DLGAP1: variants seen among roughly 807,000 people sequenced by gnomAD.
The protein encoded by DLGAP1 is disks large-associated protein 1.
Under a neutral mutation model 90.8 loss-of-function variants are expected in DLGAP1, and 11 were observed. That is an observed-to-expected ratio of 0.12 (90% CI 0.08 to 0.20). The LOEUF (loss-of-function observed/expected upper bound fraction) is 0.20. DLGAP1 is among the 10% of genes least tolerant of loss of function. DLGAP1 has a pLI of 1.00. For missense variants in DLGAP1, 1,050 were observed against 1,333.8 expected (o/e 0.79, Z 3.31); for synonymous variants, 558 against 540.7 (o/e 1.03, Z -0.44).
At chr18:3,518,154 G>A (rs2050956165) in intron 10 of DLGAP1, among the ~76,000 whole-genome samples, 1 of 152,168 alleles carries the variant, frequency 6.6e-6, no homozygotes, top group Non-Finnish European at 1.5e-5. Flanking sequence ...TGAACACATA[G>A]AGGCCATTAT....
intron 7 of DLGAP1, among the ~76,000 whole-genome samples, chr18:3,586,269 G>A (rs542879180): frequency 1.7e-3 from 251 of 152,118 alleles, no homozygotes; most frequent in Admixed American, 2.5e-3. Flanking sequence ...GTTGTTATAC[G>A]GAGGGACATT....
intron 1 of DLGAP1, among the ~76,000 whole-genome samples, chr18:4,315,526 A>C (rs2080505527): frequency 6.6e-6 from 1 of 152,208 alleles, no homozygotes; most frequent in African/African-American, 2.4e-5. Flanking sequence ...TGCTTTCTAG[A>C]AGTAGACAAG....
At chr18:3,510,126 C>T (rs899701616) in intron 10 of DLGAP1, among the ~76,000 whole-genome samples, 1 of 152,238 alleles carries the variant, frequency 6.6e-6, no homozygotes, top group African/African-American at 2.4e-5. Context: ...AAGACCTCCT[C>T]TCCTTTTCTT....
At chr18:3,745,608 TAAGA>T (rs1013953055) in intron 5 of DLGAP1, among the ~76,000 whole-genome samples, 6 of 152,358 alleles carry the variant, frequency 3.9e-5, no homozygotes, top group African/African-American at 1.4e-4. Flanking sequence ...CTAAAGGTTC[TAAGA>T]ACAGCCAGAA....
At chr18:3,830,376 T>C (rs1248213587) in intron 4 of DLGAP1, among the ~76,000 whole-genome samples, 1 of 152,098 alleles carries the variant, frequency 6.6e-6, no homozygotes, top group Non-Finnish European at 1.5e-5. Flanking sequence ...CCAGCCTGGC[T>C]AACATGGTGA....
At chr18:3,782,241 A>G (rs183009742) in intron 5 of DLGAP1, among the ~76,000 whole-genome samples, 1 of 152,094 alleles carries the variant, frequency 6.6e-6, no homozygotes, top group East Asian at 1.9e-4. Context: ...GGTTCAAGCA[A>G]TTCTCCTGCC....
chr18:3,562,231 A>G (rs2054166887), intron 9 of DLGAP1, among the ~76,000 whole-genome samples: 1 of 152,054 alleles, frequency 6.6e-6, no homozygotes, highest in Non-Finnish European at 1.5e-5. Flanking sequence ...TCCGTCTCAA[A>G]AAATAATAAT....
intron 2 of DLGAP1, among the ~76,000 whole-genome samples, chr18:4,080,894 T>TCC (rs1378522427): frequency 0.034 from 5,057 of 149,886 alleles, 270 homozygotes; most frequent in African/African-American, 0.11. Flanking sequence ...AATGCCCTTT[T>TCC]TTTTTTTTTT....
chr18:3,522,533 C>T (rs1466614432), intron 10 of DLGAP1, among the ~76,000 whole-genome samples: 5 of 145,946 alleles, frequency 3.4e-5, no homozygotes, highest in Admixed American at 2.8e-4. Context: ...TTTAAAGACA[C>T]GTGCAGTCAA....
chr18:4,436,036 A>G (rs1019258188), intron 1 of DLGAP1, among the ~76,000 whole-genome samples: 2 of 152,214 alleles, frequency 1.3e-5, no homozygotes, highest in African/African-American at 2.4e-5. Context: ...AAAACATGCA[A>G]GATGGTTTTG....
At chr18:3,886,021 A>G (rs1487513265) in intron 3 of DLGAP1, among the ~76,000 whole-genome samples, 2 of 152,132 alleles carry the variant, frequency 1.3e-5, no homozygotes, top group Non-Finnish European at 2.9e-5. Flanking sequence ...TCCTTATTCC[A>G]TTTTGATTTT....
intron 9 of DLGAP1, among the ~76,000 whole-genome samples, chr18:3,550,886 G>C (rs1417655843): frequency 3.3e-5 from 5 of 151,238 alleles, no homozygotes; most frequent in Non-Finnish European, 5.9e-5. Context: ...GGATTACAGG[G>C]GCCCACCACC....
At chr18:4,195,568 T>G (rs1164862301) in intron 1 of DLGAP1, among the ~76,000 whole-genome samples, 9 of 152,296 alleles carry the variant, frequency 5.9e-5, no homozygotes, top group Non-Finnish European at 4.4e-5. Flanking sequence ...ATTTTTTTTT[T>G]GAGATGGAGT....
At chr18:4,048,110 T>G (rs924355446) in intron 2 of DLGAP1, among the ~76,000 whole-genome samples, 4 of 152,220 alleles carry the variant, frequency 2.6e-5, no homozygotes, top group African/African-American at 7.2e-5. Flanking sequence ...AAAAACTTCT[T>G]TTTGAATTAG....
intron 3 of DLGAP1, among the ~76,000 whole-genome samples, chr18:3,880,458 G>T (rs1215589840): frequency 6.6e-6 from 1 of 152,076 alleles, no homozygotes; most frequent in Non-Finnish European, 1.5e-5. Flanking sequence ...GATTACAGGC[G>T]TGAGCAACCC....
At chr18:4,242,295 A>C (rs2078554330) in intron 1 of DLGAP1, among the ~76,000 whole-genome samples, 1 of 152,094 alleles carries the variant, frequency 6.6e-6, no homozygotes, top group African/African-American at 2.4e-5. Context: ...TATTTTATGC[A>C]TTCTTTTTTT....
chr18:3,817,417 T>C (rs960759640), intron 4 of DLGAP1, among the ~76,000 whole-genome samples: 2 of 152,220 alleles, frequency 1.3e-5, no homozygotes, highest in African/African-American at 4.8e-5. Flanking sequence ...TAAGAAGTTA[T>C]GTGGAAGTGA....
chr18:4,000,963 C>T (rs1247253042), intron 3 of DLGAP1, among the ~76,000 whole-genome samples: 1 of 152,096 alleles, frequency 6.6e-6, no homozygotes, highest in Non-Finnish European at 1.5e-5. Flanking sequence ...GTCAGAAAAG[C>T]AGTCTTTGAA....
intron 1 of DLGAP1, among the ~76,000 whole-genome samples, chr18:4,259,218 G>A (rs1358402889): frequency 6.6e-6 from 1 of 152,158 alleles, no homozygotes; most frequent in Non-Finnish European, 1.5e-5. Flanking sequence ...GACAGCGGAG[G>A]TGAAAATGGA....
Sources: gnomAD v4.1 joint callset for allele counts (sites outside exome capture counted in the v4.1 genomes callset) on GRCh38, gnomAD v4.1.1 for gene constraint, MANE v1.5 for transcripts, NCBI Gene and HGNC (gene_info 2026-07-23, HGNC 2026-07-21) for gene names.